TBC1D32: variants seen among roughly 807,000 people sequenced by gnomAD.
TBC1D32 encodes protein broad-minded.
Under a neutral mutation model 170.3 loss-of-function variants are expected in TBC1D32, and 151 were observed. That is an observed-to-expected ratio of 0.89 (90% confidence interval 0.78 to 1.01). TBC1D32 has a LOEUF of 1.01. TBC1D32 is among the 50% of genes least tolerant of loss of function. The pLI is 0.00. For missense variants in TBC1D32, 1,464 were observed against 1,457.1 expected, an observed-to-expected ratio of 1.00 and a Z score of -0.08; for synonymous variants, 498 against 488.0, an observed-to-expected ratio of 1.02 and a Z score of -0.27.
At chr6:121,249,528 C>A (rs530781992) in intron 17 of TBC1D32, among the ~76,000 whole-genome samples, 1 of 152,084 alleles carries the variant, frequency 6.6e-6, no homozygotes, top group South Asian at 2.1e-4. Context: ...GTCAAACTGT[C>A]ACTTTCTGCT....
intron 15 of TBC1D32, among the ~76,000 whole-genome samples, chr6:121,270,218 C>A (rs2128422992): frequency 6.6e-6 from 1 of 152,004 alleles, no homozygotes; most frequent in East Asian, 1.9e-4. Flanking sequence ...GAAGCAAGAG[C>A]AAACATATTC....
rs1054333876 is a variant in TBC1D32 at position 121,112,645 on chromosome 6, T to G, written c.3184A>C (p.Asn1062His). Reference protein sequence around the residue: ...IKSSLLCLQGNYAGHDWFVSS... With the variant: ...IKSSLLCLQGHYAGHDWFVSS... ...ACAAACCAGTCATGGCCAGCATAAT[T>G]CCCTTGCAGGCAGACTGAAAAACAC... is the stretch of plus-strand genomic sequence containing the variant. Residue 1062 changes from asparagine to histidine, a missense_variant, in exon 29 of 32, where the codon AAT (asparagine) becomes CAT (histidine). Physicochemically the swap from Asn to His is moderately conservative, Grantham distance 68. Coordinates refer to ENST00000398212, the MANE Select transcript of TBC1D32 (RefSeq NM_152730.6). The G allele has an allele frequency of 6.3e-7, 1 of 1,582,864 alleles. No homozygotes were observed. Among genetic ancestry groups the G allele is most frequent in the Non-Finnish European group, 8.6e-7 (1 of 1,166,240 alleles).
At chr6:121,121,953 G>A (rs1780315074) in intron 26 of TBC1D32, among the ~76,000 whole-genome samples, 1 of 151,912 alleles carries the variant, frequency 6.6e-6, no homozygotes, top group Non-Finnish European at 1.5e-5. Context: ...CTCTAAACTC[G>A]ATTCACATGT....
intron 31 of TBC1D32, among the ~76,000 whole-genome samples, chr6:121,087,878 G>A (rs1776405720): frequency 6.6e-6 from 1 of 151,202 alleles, no homozygotes; most frequent in African/African-American, 2.4e-5. Context: ...AATATGTAGA[G>A]CGAGGGGATA....
chr6:121,188,323 T>C (rs1789476940), intron 22 of TBC1D32, among the ~76,000 whole-genome samples: 1 of 152,096 alleles, frequency 6.6e-6, no homozygotes. Context: ...ATAAAGTAAA[T>C]GTAAAATATT....
intron 22 of TBC1D32, among the ~76,000 whole-genome samples, chr6:121,199,534 A>G (rs1791259918): frequency 6.6e-6 from 1 of 151,312 alleles, no homozygotes; most frequent in Non-Finnish European, 1.5e-5. Context: ...GAATTGTTTG[A>G]TTAAATTAGA....
intron 15 of TBC1D32, among the ~76,000 whole-genome samples, chr6:121,271,127 C>G (rs1801347679): frequency 6.6e-6 from 1 of 152,082 alleles, no homozygotes; most frequent in Non-Finnish European, 1.5e-5. Context: ...ATAATAAGAG[C>G]TATTTATGAC....
chr6:121,255,074 C>T (rs1044073904), intron 17 of TBC1D32, among the ~76,000 whole-genome samples: 2 of 151,852 alleles, frequency 1.3e-5, no homozygotes, highest in African/African-American at 4.8e-5. Context: ...TCTGGAAACA[C>T]GATAATATCA....
chr6:121,319,203 C>T (rs952574741), intron 2 of TBC1D32, among the ~76,000 whole-genome samples: 9 of 151,600 alleles, frequency 5.9e-5, no homozygotes, highest in African/African-American at 1.7e-4. Context: ...AATTAGGAAC[C>T]GCTAGGGGGA....
At chr6:121,112,011 G>A (rs1315041610) in intron 29 of TBC1D32, among the ~76,000 whole-genome samples, 1 of 152,090 alleles carries the variant, frequency 6.6e-6, no homozygotes, top group Admixed American at 6.5e-5. Flanking sequence ...AGTAACCTCT[G>A]AGATTGCATA....
intron 24 of TBC1D32, among the ~76,000 whole-genome samples, chr6:121,140,249 C>T (rs535977884): frequency 2.8e-4 from 42 of 151,190 alleles, no homozygotes; most frequent in African/African-American, 7.5e-4. Context: ...AACTAGAATT[C>T]GCTTCTGTTT....
chr6:121,230,093 G>A (rs372593998), intron 20 of TBC1D32, among the ~76,000 whole-genome samples: 6 of 151,888 alleles, frequency 4.0e-5, no homozygotes, highest in South Asian at 2.1e-4. Context: ...ACCCAGTCTC[G>A]GGTAGTTCTT....
In TBC1D32 at chr6:121,080,683, ATGT is replaced by A; in HGVS notation, c.*85_*87del. On this transcript the variant is annotated 3_prime_UTR_variant, in exon 32 of 32. Transcript: ENST00000398212. ...TACAATATGTATATTCACAAAGTAA[ATGT>A]TGTTACAGACACAGAAAAACATCAA... 1 of 1,470,512 alleles carries A rather than the reference ATGT, an allele frequency of 6.8e-7. No individual in the cohort carries two copies. Among genetic ancestry groups the A allele is most frequent in the Non-Finnish European group, 9.1e-7 (1 of 1,096,492 alleles). 91.1% of individuals were successfully genotyped at this position (1,470,512 alleles called of 1,614,324 possible). A position where few individuals can be genotyped will look rare whatever the true frequency, so the allele number is the denominator to read the frequency against.
chr6:121,170,391 T>C lies in TBC1D32; in HGVS notation c.2571-9335A>G. The C allele has an allele frequency of 1.9e-6, 3 of 1,592,926 alleles. No individual in the cohort carries two copies. In the African/African-American group the frequency reaches 4.1e-5, roughly 22 times the overall value. On this transcript the variant is annotated intron_variant, in intron 22 of 31. Coordinates refer to ENST00000398212, the MANE Select transcript of TBC1D32 (RefSeq NM_152730.6). ...GAAAACTGCTGTTACTCTGTTTTAA[T>C]CACCCATTTTTACCTGTGGCTCTCA...
intron 3 of TBC1D32, among the ~76,000 whole-genome samples, chr6:121,314,300 G>A (rs148151179): frequency 1.4e-4 from 21 of 152,256 alleles, no homozygotes; most frequent in East Asian, 5.8e-4. Flanking sequence ...GATGGGTCCC[G>A]CCTGGATAAC....
chr6:121,161,102 T>A, intron 22 of TBC1D32, 46 bp from the exon 23 acceptor site: 3 of 1,391,526 alleles, frequency 2.2e-6, no homozygotes, highest in Non-Finnish European at 3.0e-6. Context: ...TGATTGAATA[T>A]GTGTTAATTT....
chr6:121,190,407 C>T (rs1789837806), intron 22 of TBC1D32, among the ~76,000 whole-genome samples: 1 of 145,492 alleles, frequency 6.9e-6, no homozygotes, highest in African/African-American at 2.6e-5. Context: ...TCCCCCCACA[C>T]ACATCCACTC....
chr6:121,110,904 A>G (rs1024630942), intron 29 of TBC1D32, among the ~76,000 whole-genome samples: 51 of 152,196 alleles, frequency 3.4e-4, no homozygotes, highest in Admixed American at 2.9e-3. Flanking sequence ...ATCAAAACAA[A>G]CTACTGGTAA....
chr6:121,326,412 C>G (rs1032573260), intron 1 of TBC1D32, among the ~76,000 whole-genome samples: 1 of 152,072 alleles, frequency 6.6e-6, no homozygotes, highest in Admixed American at 6.5e-5. Context: ...CACTAATTAC[C>G]TTGATCTGAC....
Sources: gnomAD v4.1 joint callset for allele counts (sites outside exome capture counted in the v4.1 genomes callset) on GRCh38, gnomAD v4.1.1 for gene constraint, MANE v1.5 for transcripts, NCBI Gene and HGNC (gene_info 2026-07-23, HGNC 2026-07-21) for gene names.